MGAT4C: variants seen among roughly 807,000 people sequenced by gnomAD.
MGAT4C encodes MGAT4 family member C, also known as alpha-1,3-mannosyl-glycoprotein 4-beta-N-acetylglucosaminyltransferase C.
Under a neutral mutation model 40.1 loss-of-function variants are expected in MGAT4C, and 19 were observed. The ratio of observed to expected loss-of-function variants is 0.47; its 90% confidence interval spans 0.33 to 0.70. The LOEUF (loss-of-function observed/expected upper bound fraction) is 0.70, where lower values mean the gene tolerates loss of function less well. Among genes scored for constraint, MGAT4C ranks in the 30% least tolerant of loss-of-function variants. The probability of loss-of-function intolerance (pLI) is 0.02; values close to 1 mark genes in which losing one functional copy is unlikely to be tolerated. For missense variants in MGAT4C, 491 were observed against 563.2 expected, an observed-to-expected ratio of 0.87 and a Z score of 1.30; for synonymous variants, 181 against 187.1, an observed-to-expected ratio of 0.97 and a Z score of 0.27.
chr12:86,132,075 T>G (rs1881265379), intron 1 of MGAT4C, among the ~76,000 whole-genome samples: 1 of 152,284 alleles, frequency 6.6e-6, no homozygotes, highest in South Asian at 2.1e-4. Flanking sequence ...AACACCAAGC[T>G]TTTTTAGGAT....
intron 2 of MGAT4C, among the ~76,000 whole-genome samples, chr12:86,595,575 T>A (rs1477545097): frequency 6.6e-6 from 1 of 151,624 alleles, no homozygotes; most frequent in Non-Finnish European, 1.5e-5. Flanking sequence ...CATTCTAAAG[T>A]ATATATCATC....
At chr12:86,768,537 C>A (rs923288848) in intron 1 of MGAT4C, among the ~76,000 whole-genome samples, 1 of 151,368 alleles carries the variant, frequency 6.6e-6, no homozygotes, top group Non-Finnish European at 1.5e-5. Context: ...CATATGGAAC[C>A]AAAAAAGAGC....
intron 2 of MGAT4C, among the ~76,000 whole-genome samples, chr12:86,718,578 CA>C (rs982704264): frequency 3.9e-5 from 6 of 152,228 alleles, no homozygotes; most frequent in African/African-American, 1.4e-4. Context: ...CTCTCTACAT[CA>C]GGGGTCCCCA....
At chr12:86,416,568 A>G (rs1956720432) in intron 3 of MGAT4C, among the ~76,000 whole-genome samples, 1 of 152,090 alleles carries the variant, frequency 6.6e-6, no homozygotes, top group South Asian at 2.1e-4. Flanking sequence ...ACATTTGGCC[A>G]GGTTAAGGTG....
At chr12:86,147,199 A>C (rs1227480355) in intron 1 of MGAT4C, among the ~76,000 whole-genome samples, 2 of 152,230 alleles carry the variant, frequency 1.3e-5, no homozygotes, top group Non-Finnish European at 2.9e-5. Context: ...CTAAGACTAG[A>C]TGAGGTGAGG....
At chr12:86,574,837 T>C (rs1405009400) in intron 2 of MGAT4C, among the ~76,000 whole-genome samples, 2 of 151,824 alleles carry the variant, frequency 1.3e-5, no homozygotes, top group African/African-American at 4.8e-5. Flanking sequence ...ATTAAATTAA[T>C]TAGACAATAT....
intron 3 of MGAT4C, among the ~76,000 whole-genome samples, chr12:86,392,246 C>T (rs749815375): frequency 9.2e-5 from 14 of 151,964 alleles, no homozygotes; most frequent in Admixed American, 2.0e-4. Context: ...TCAAGGCAGG[C>T]GGATCACCTG....
At chr12:86,398,270 A>C (rs548465779) in intron 3 of MGAT4C, among the ~76,000 whole-genome samples, 1 of 152,228 alleles carries the variant, frequency 6.6e-6, no homozygotes, top group South Asian at 2.1e-4. Context: ...GGCTGTTGCT[A>C]TTCCTTGATA....
chr12:86,454,960 A>ATAATTAGTAATC (rs1957487306), intron 2 of MGAT4C, among the ~76,000 whole-genome samples: 1 of 152,072 alleles, frequency 6.6e-6, no homozygotes. Flanking sequence ...TTACTAGATG[A>ATAATTAGTAATC]ATTAATAATG....
At chr12:86,670,556 C>A (rs1964229321) in intron 2 of MGAT4C, among the ~76,000 whole-genome samples, 2 of 151,880 alleles carry the variant, frequency 1.3e-5, no homozygotes, top group Non-Finnish European at 2.9e-5. Flanking sequence ...AAAAAATGAA[C>A]AAATCTTTGA....
intron 3 of MGAT4C, among the ~76,000 whole-genome samples, chr12:86,421,219 C>A (rs911157587): frequency 1.3e-5 from 2 of 152,034 alleles, no homozygotes; most frequent in African/African-American, 2.4e-5. Context: ...CATTAATGAT[C>A]AGATAATCAA....
At chr12:86,600,309 G>GA (rs1332895282) in intron 2 of MGAT4C, among the ~76,000 whole-genome samples, 7 of 152,188 alleles carry the variant, frequency 4.6e-5, no homozygotes, top group African/African-American at 1.7e-4. Context: ...GGCCCAGGTT[G>GA]AGCCTGTGGG....
chr12:86,305,538 G>GTAACAATTT (rs1953915972), intron 4 of MGAT4C, among the ~76,000 whole-genome samples: 1 of 149,442 alleles, frequency 6.7e-6, no homozygotes, highest in Non-Finnish European at 1.5e-5. Context: ...AATGTTCTAT[G>GTAACAATTT]TAACAATTTT....
chr12:85,962,801 T>A lies in MGAT4C; in HGVS notation c.*16488A>T, dbSNP rs919914707. The A allele has an allele frequency of 6.6e-6, 1 of 151,502 alleles. No individual in the cohort carries two copies. The highest frequency in any genetic ancestry group is 2.4e-5 in the African/African-American group (1 of 41,412). 9.4% of individuals were successfully genotyped at this position (151,502 alleles called of 1,614,324 possible). A position where few individuals can be genotyped will look rare whatever the true frequency, so the allele number is the denominator to read the frequency against. On this transcript the variant is annotated 3_prime_UTR_variant, in exon 5 of 5. Coordinates refer to ENST00000611864, the MANE Select transcript of MGAT4C (RefSeq NM_001351288.2). ...AAATATTTTATCTGTTATAAAGACC[T>A]TTATTTTTGTTCCACTCATTAAATA...
chr12:86,465,729 C>T (rs994630433), intron 2 of MGAT4C, among the ~76,000 whole-genome samples: 2 of 152,126 alleles, frequency 1.3e-5, no homozygotes, highest in Non-Finnish European at 2.9e-5. Context: ...ACTGACAACA[C>T]TAAATGCTGG....
At chr12:86,132,483 T>G (rs1022051338) in intron 1 of MGAT4C, among the ~76,000 whole-genome samples, 25 of 152,106 alleles carry the variant, frequency 1.6e-4, no homozygotes, top group Admixed American at 1.6e-3. Flanking sequence ...GAAACTTTCT[T>G]GTAATTAAAA....
intron 3 of MGAT4C, among the ~76,000 whole-genome samples, chr12:86,372,256 C>T (rs969459527): frequency 1.7e-4 from 26 of 151,612 alleles, no homozygotes; most frequent in African/African-American, 5.8e-4. Context: ...TTATTCATGC[C>T]TAGGGTATAT....
chr12:86,317,004 A>G (rs1954253770), intron 4 of MGAT4C, among the ~76,000 whole-genome samples: 1 of 152,098 alleles, frequency 6.6e-6, no homozygotes, highest in African/African-American at 2.4e-5. Flanking sequence ...GGAAAGAAGA[A>G]AGGACAGAAA....
At chr12:86,562,612 C>T (rs1203041244) in intron 2 of MGAT4C, among the ~76,000 whole-genome samples, 1 of 152,086 alleles carries the variant, frequency 6.6e-6, no homozygotes, top group African/African-American at 2.4e-5. Context: ...TGATTCTCCT[C>T]AGAACCCATC....
Sources: gnomAD v4.1 joint callset for allele counts (sites outside exome capture counted in the v4.1 genomes callset) on GRCh38, gnomAD v4.1.1 for gene constraint, MANE v1.5 for transcripts, NCBI Gene and HGNC (gene_info 2026-07-23, HGNC 2026-07-21) for gene names.